Variants in SLC8A1 observed in about 807,000 individuals in gnomAD.
The protein encoded by SLC8A1 is solute carrier family 8 member A1.
SLC8A1 carries 18 observed loss-of-function variants against 68.3 expected under a neutral mutation model. The observed-to-expected ratio is 0.26, with a 90% CI of 0.18 to 0.39. SLC8A1 has a LOEUF of 0.39. Among genes scored for constraint, SLC8A1 ranks in the 10% least tolerant of loss-of-function variants. The pLI, the probability that SLC8A1 is intolerant of heterozygous loss-of-function variation, is 1.00. For synonymous variants in SLC8A1, 475 were observed against 415.5 expected (o/e 1.14, Z -1.74); for missense variants, 985 against 1,156.7 (o/e 0.85, Z 2.15).
At chr2:40,374,851 T>A (rs79111164) in intron 2 of SLC8A1, among the ~76,000 whole-genome samples, 3,558 of 152,204 alleles carry the variant, frequency 0.023, 57 homozygotes, top group Middle Eastern at 0.037. Flanking sequence ...GGACTTTTTT[T>A]AAGAATTGAG....
At chr2:40,271,725 C>A (rs1243609866) in intron 2 of SLC8A1, among the ~76,000 whole-genome samples, 1 of 152,106 alleles carries the variant, frequency 6.6e-6, no homozygotes, top group Non-Finnish European at 1.5e-5. Flanking sequence ...TTGATGAGCC[C>A]TTTTAAGTGA....
intron 1 of SLC8A1, among the ~76,000 whole-genome samples, chr2:40,437,197 G>A (rs1699596435): frequency 6.6e-6 from 1 of 152,152 alleles, no homozygotes; most frequent in Non-Finnish European, 1.5e-5. Context: ...CAAAATGGCA[G>A]ACACATTTTA....
intron 1 of SLC8A1, among the ~76,000 whole-genome samples, chr2:40,432,401 T>TGTGTGTGTGTGTGTG (rs1553607883): frequency 7.8e-6 from 1 of 128,838 alleles, no homozygotes; most frequent in Non-Finnish European, 1.6e-5. Context: ...GAGTGTGAGA[T>TGTGTGTGTGTGTGTG]TGTGTGTGTG....
intron 2 of SLC8A1, among the ~76,000 whole-genome samples, chr2:40,369,122 G>A (rs556627437): frequency 6.6e-6 from 1 of 152,084 alleles, no homozygotes; most frequent in Non-Finnish European, 1.5e-5. Context: ...AAGGACACAG[G>A]CTGGGGCAAA....
chr2:40,486,163 T>C (rs555141774), intron 1 of SLC8A1, among the ~76,000 whole-genome samples: 1 of 152,304 alleles, frequency 6.6e-6, no homozygotes, highest in African/African-American at 2.4e-5. Flanking sequence ...TGCCGCCTTG[T>C]GAAAAAGGTG....
chr2:40,193,354 G>C (rs749777125), intron 2 of SLC8A1, among the ~76,000 whole-genome samples: 4 of 152,062 alleles, frequency 2.6e-5, no homozygotes, highest in Non-Finnish European at 4.4e-5. Flanking sequence ...GCCCACATTA[G>C]GCATTGGGGA....
intron 6 of SLC8A1, among the ~76,000 whole-genome samples, chr2:40,154,579 A>T (rs1432310047): frequency 6.8e-6 from 1 of 148,020 alleles, no homozygotes; most frequent in Admixed American, 6.8e-5. Flanking sequence ...CGCCTGCCTC[A>T]GACTCCCAAA....
rs77161797 is a variant in SLC8A1, at chr2:40,428,235, G to A, written c.1808+238C>T. ...CACAATGTAGTTAAAATGTGTAAAT[G>A]TATAAAAGTAAAAATAAAATTCTGA... is the stretch of plus-strand genomic sequence containing the variant. On this transcript the variant is annotated intron_variant, in intron 2 of 7. Coordinates refer to ENST00000406785, the Ensembl canonical transcript of SLC8A1. 7.4e-3 allele frequency among the ~76,000 whole-genome samples: 1,121 copies of A among 152,142 alleles called. 14 individuals carry two copies. Among genetic ancestry groups the A allele is most frequent in the African/African-American group, 0.026 (1,061 of 41,508 alleles).
chr2:40,446,409 G>A (rs1041283205), intron 1 of SLC8A1: 17 of 152,192 alleles, frequency 1.1e-4, no homozygotes, highest in African/African-American at 4.1e-4. Context: ...ATTTCTCCAC[G>A]GTTACCTTGT....
chr2:40,380,088 T>C, intron 2 of SLC8A1, among the ~76,000 whole-genome samples: 1 of 152,162 alleles, frequency 6.6e-6, no homozygotes. Context: ...TTACTACATT[T>C]AGCTTGATCA....
intron 6 of SLC8A1, among the ~76,000 whole-genome samples, chr2:40,140,148 A>G (rs1012240416): frequency 2.0e-5 from 3 of 152,218 alleles, no homozygotes; most frequent in African/African-American, 7.2e-5. Context: ...ATGTTCACAC[A>G]GGGCCGTTAA....
chr2:40,386,784 C>T (rs1008647763), intron 2 of SLC8A1, among the ~76,000 whole-genome samples: 1 of 150,894 alleles, frequency 6.6e-6, no homozygotes, highest in African/African-American at 2.5e-5. Context: ...TATAAGCAAA[C>T]AGGCCAGTTT....
chr2:40,102,297 A>G (rs942948995), exon 8 of SLC8A1: 1 of 151,894 alleles, frequency 6.6e-6, no homozygotes, highest in Non-Finnish European at 1.5e-5. Flanking sequence ...TCACCTCAGG[A>G]TTATTACCAT....
intron 2 of SLC8A1, among the ~76,000 whole-genome samples, chr2:40,420,933 G>A (rs1318792323): frequency 6.6e-6 from 1 of 152,118 alleles, no homozygotes; most frequent in Non-Finnish European, 1.5e-5. Context: ...AAATCTCTAA[G>A]CTTCAACTTC....
chr2:40,322,276 T>C (rs1286734103), intron 2 of SLC8A1, among the ~76,000 whole-genome samples: 1 of 152,016 alleles, frequency 6.6e-6, no homozygotes, highest in African/African-American at 2.4e-5. Flanking sequence ...TTTTTTTCAT[T>C]CCATGGAACC....
intron 2 of SLC8A1, among the ~76,000 whole-genome samples, chr2:40,270,866 G>A (rs1044883171): frequency 6.6e-6 from 1 of 152,164 alleles, no homozygotes. Flanking sequence ...GCAGGAGGGA[G>A]TGAGGCTTCA....
intron 2 of SLC8A1, among the ~76,000 whole-genome samples, chr2:40,231,284 AC>A (rs1271855286): frequency 6.6e-6 from 1 of 152,202 alleles, no homozygotes; most frequent in Non-Finnish European, 1.5e-5. Context: ...CATATATTAG[AC>A]ACGGGAAATG....
intron 2 of SLC8A1, among the ~76,000 whole-genome samples, chr2:40,234,600 C>T (rs1456920983): frequency 3.9e-5 from 6 of 152,258 alleles, no homozygotes; most frequent in Non-Finnish European, 7.4e-5. Context: ...TTTCCTTCTC[C>T]TGCCTAATTG....
intron 2 of SLC8A1, among the ~76,000 whole-genome samples, chr2:40,215,643 CAAAAAAAAAAAAAAAAAA>C (rs56191722): frequency 1.4e-5 from 1 of 69,926 alleles, no homozygotes; most frequent in East Asian, 5.3e-4. Flanking sequence ...GACTCCGTCT[CAAAAAAAAAAAAAAAAAA>C]AAAAAAAAAA....
Sources: gnomAD v4.1 joint callset for allele counts (sites outside exome capture counted in the v4.1 genomes callset) on GRCh38, gnomAD v4.1.1 for gene constraint, MANE v1.5 for transcripts, NCBI Gene and HGNC (gene_info 2026-07-23, HGNC 2026-07-21) for gene names.